The following MLLT10 variants were observed in gnomAD, a reference collection of about 807,000 sequenced individuals.
The protein encoded by MLLT10 is MLLT10 histone lysine methyltransferase DOT1L cofactor.
A neutral mutation model predicts 129.1 loss-of-function variants in MLLT10; 30 were observed. That is an observed-to-expected ratio of 0.23 (90% CI 0.17 to 0.32). The LOEUF (loss-of-function observed/expected upper bound fraction) is 0.32, where lower values mean the gene tolerates loss of function less well. MLLT10 is among the 10% of genes least tolerant of loss of function. The pLI, the probability that MLLT10 is intolerant of heterozygous loss-of-function variation, is 1.00. For missense variants in MLLT10, 1,119 were observed against 1,268.3 expected, an observed-to-expected ratio of 0.88 and a Z score of 1.79; for synonymous variants, 490 against 446.4, an observed-to-expected ratio of 1.10 and a Z score of -1.23.
chr10:21,559,966 A>G (rs2038594522), intron 3 of MLLT10, among the ~76,000 whole-genome samples: 1 of 151,632 alleles, frequency 6.6e-6, no homozygotes, highest in Admixed American at 6.6e-5. Flanking sequence ...GGGTGGGTGT[A>G]CATTAGGAAT....
At chr10:21,581,774 C>T (rs2041484875) in intron 3 of MLLT10, among the ~76,000 whole-genome samples, 2 of 152,156 alleles carry the variant, frequency 1.3e-5, no homozygotes, top group Non-Finnish European at 2.9e-5. Context: ...TGAAAGTTTC[C>T]TGAGGCCTCC....
rs114423982 is a variant in MLLT10, at chr10:21,552,862, C to T, written c.240+13950C>T. Among the ~76,000 whole-genome samples the T allele has an allele frequency of 2.0e-3, 306 of 151,812 alleles. 1 individual carries two copies. Among genetic ancestry groups the T allele is most frequent in the African/African-American group, 7.0e-3 (288 of 41,378 alleles). Reference sequence around the variant, plus strand: ...TTATTCTTCTCTGTTCCTCCTTGCGCCTTCCTCCTCCCTCTTTCTTCTCTC... The same window carrying T: ...TTATTCTTCTCTGTTCCTCCTTGCGTCTTCCTCCTCCCTCTTTCTTCTCTC... On this transcript the variant is annotated intron_variant, in intron 3 of 22. Coordinates refer to ENST00000307729, the MANE Select transcript of MLLT10 (RefSeq NM_001195626.3).
intron 14 of MLLT10, among the ~76,000 whole-genome samples, chr10:21,722,931 T>A (rs2057235927): frequency 6.6e-6 from 1 of 152,184 alleles, no homozygotes; most frequent in South Asian, 2.1e-4. Context: ...TAGATGTTTT[T>A]ATACACCAAA....
At chr10:21,649,795 C>T (rs1300798261) in intron 8 of MLLT10, among the ~76,000 whole-genome samples, 2 of 152,160 alleles carry the variant, frequency 1.3e-5, no homozygotes, top group Admixed American at 6.5e-5. Flanking sequence ...GCTTATACAC[C>T]ATCACTTCTG....
At position 21,717,561 on chromosome 10, in the gene MLLT10, TTCTTCC is replaced by T. The variant is rs1209051989; in HGVS notation, c.1878+3623_1878+3628del. On this transcript the variant is annotated intron_variant, in intron 14 of 22. Coordinates refer to ENST00000307729, the MANE Select transcript of MLLT10 (RefSeq NM_001195626.3). ...CTCCTCCCTTCTTCTTTCTTCTTCT[TTCTTCC>T]TCTTCCTCTTCTTTCTTCCTCTTCC... Among the ~76,000 whole-genome samples, 316 of 125,790 alleles carry T rather than the reference TTCTTCC, an allele frequency of 2.5e-3. 1 individual carries two copies. Among genetic ancestry groups the T allele is most frequent in the South Asian group, 8.2e-3 (28 of 3,410 alleles). 82.5% of individuals were successfully genotyped at this position (125,790 alleles called of 152,430 possible). A position where few individuals can be genotyped will look rare whatever the true frequency, so the allele number is the denominator to read the frequency against.
In MLLT10 at chr10:21,670,606, A is replaced by G. The variant is rs754827475; in HGVS notation, c.953A>G (p.Lys318Arg). 3.1e-6 allele frequency: 5 copies of G among 1,614,108 alleles called. No individual in the cohort carries two copies. The East Asian group carries it at 1.1e-4, about 36-fold the overall frequency. Residue 318 changes from lysine (K) to arginine (R), a missense_variant, in exon 10 of 23, where the codon AAG becomes AGG. Lys to Arg is a conservative substitution (Grantham distance 26). Transcript: ENST00000307729. ...ACTAGAGGGTCAGAGGGCAAAGGGA[A>G]GAAATCTTCAGCTCACAGCTCAGGT... is the stretch of plus-strand genomic sequence containing the variant. ...SETRGSEGKG[K>R]KSSAHSSGQR...
At chr10:21,570,317 C>T (rs1408685263) in intron 3 of MLLT10, among the ~76,000 whole-genome samples, 3 of 152,060 alleles carry the variant, frequency 2.0e-5, no homozygotes, top group Non-Finnish European at 2.9e-5. Flanking sequence ...AAGTGATTTT[C>T]CCACCTCGGC....
At chr10:21,708,555 GTT>G in intron 13 of MLLT10, 1 of 981,776 alleles carries the variant, frequency 1.0e-6, no homozygotes, top group Non-Finnish European at 1.2e-6. Flanking sequence ...ATTTTGCTCT[GTT>G]TTTTTTGTGT....
intron 14 of MLLT10, among the ~76,000 whole-genome samples, chr10:21,719,587 G>C (rs2056990234): frequency 6.6e-6 from 1 of 152,296 alleles, no homozygotes; most frequent in East Asian, 1.9e-4. Flanking sequence ...TCATTTGTGT[G>C]ATGCAATGCA....
In MLLT10 at chr10:21,673,543, T is replaced by C. The variant is rs1277975542; in HGVS notation, c.1245T>C (p.Ser415=). 2 of 1,613,340 alleles carry C rather than the reference T, an allele frequency of 1.2e-6. No individual in the cohort carries two copies. Among genetic ancestry groups the C allele is most frequent in the Non-Finnish European group, 1.7e-6 (2 of 1,179,778 alleles). ...AGGAAGGGGGGGTAAATAGTTTTAG[T>C]ACCTTAATTGGCCTCCCTTCAACCT... ...GSQEGGVNSF[S]TLIGLPSTSA... is the part of the protein sequence containing the mutation. Residue 415 remains serine (S), a synonymous_variant, in exon 11 of 23, where the codon AGT becomes AGC. Coordinates refer to ENST00000307729, the MANE Select transcript of MLLT10 (RefSeq NM_001195626.3).
At chr10:21,709,726 G>C in intron 13 of MLLT10, among the ~76,000 whole-genome samples, 1 of 152,076 alleles carries the variant, frequency 6.6e-6, no homozygotes. Flanking sequence ...AGCCAAACTT[G>C]TTTCTTTTTC....
chr10:21,689,583 A>G (rs1384058284), intron 13 of MLLT10, among the ~76,000 whole-genome samples: 4 of 141,518 alleles, frequency 2.8e-5, no homozygotes, highest in African/African-American at 1.0e-4. Context: ...ATATATATAT[A>G]TATATAGCGT....
At chr10:21,558,538 CT>C (rs536840867) in intron 3 of MLLT10, among the ~76,000 whole-genome samples, 149 of 143,104 alleles carry the variant, frequency 1.0e-3, no homozygotes, top group Middle Eastern at 3.6e-3. Context: ...GTTTCTTCTT[CT>C]TTTTTTTTTT....
chr10:21,589,069 GC>G (rs1033667315), intron 4 of MLLT10, among the ~76,000 whole-genome samples: 59 of 152,070 alleles, frequency 3.9e-4, no homozygotes, highest in African/African-American at 1.4e-3. Flanking sequence ...GAGCCACCAT[GC>G]CCAGCCACAA....
intron 13 of MLLT10, among the ~76,000 whole-genome samples, chr10:21,705,245 C>T (rs2055382015): frequency 1.3e-5 from 2 of 152,246 alleles, no homozygotes; most frequent in South Asian, 4.1e-4. Flanking sequence ...ATGGTACATG[C>T]AGATAGGTGC....
rs145799587 is a variant in MLLT10, at chr10:21,614,846, A to G, written c.525A>G (p.Gly175=). ...TTATTTTCAGCGCTCAGTTTGCCGGACTGCTTTGTGAAGAAGAAGGTAATG... is the reference window on the plus strand; with the variant it reads ...TTATTTTCAGCGCTCAGTTTGCCGGGCTGCTTTGTGAAGAAGAAGGTAATG... ...AFHVTCAQFA[G]LLCEEEGNGA... The change falls in exon 7 of 23, where the codon GGA becomes GGG. Residue 175 remains glycine (G), a synonymous_variant. Transcript: ENST00000307729. The G allele has an allele frequency of 9.9e-5, 160 of 1,612,546 alleles. 1 individual carries two copies. In the African/African-American group the frequency reaches 1.9e-3, roughly 20 times the overall value.
chr10:21,617,583 T>G (rs1008051877), intron 8 of MLLT10, among the ~76,000 whole-genome samples: 10 of 152,194 alleles, frequency 6.6e-5, no homozygotes, highest in Non-Finnish European at 1.2e-4. Flanking sequence ...AGAACAATTT[T>G]GAAGTTCTAT....
chr10:21,543,131 C>CT (rs1564374087), intron 3 of MLLT10, among the ~76,000 whole-genome samples: 1 of 150,242 alleles, frequency 6.7e-6, no homozygotes, highest in East Asian at 2.0e-4. Flanking sequence ...TTTTGTTTTT[C>CT]TTTTTTGAGA....
intron 6 of MLLT10, among the ~76,000 whole-genome samples, chr10:21,613,866 A>G (rs2044934150): frequency 6.6e-6 from 1 of 151,948 alleles, no homozygotes; most frequent in Admixed American, 6.6e-5. Flanking sequence ...AGATCATGCC[A>G]CTGTACTCTG....
Sources: allele counts gnomAD v4.1 joint callset (sites outside exome capture counted in the v4.1 genomes callset), GRCh38; gene constraint gnomAD v4.1.1; transcripts MANE v1.5; gene names NCBI Gene and HGNC (gene_info 2026-07-23, HGNC 2026-07-21).